The following LCLAT1 variants were observed in gnomAD, a reference collection of about 807,000 sequenced individuals.
LCLAT1 encodes lysocardiolipin acyltransferase 1.
LCLAT1 carries 11 observed loss-of-function variants against 30.7 expected under a neutral mutation model. The ratio of observed to expected loss-of-function variants is 0.36; its 90% CI spans 0.23 to 0.59. The LOEUF is 0.59. Among genes scored for constraint, LCLAT1 ranks in the 20% least tolerant of loss-of-function variants. The probability of loss-of-function intolerance (pLI) is 0.77; values close to 1 mark genes in which losing one functional copy is unlikely to be tolerated. For missense variants in LCLAT1, 402 were observed against 458.6 expected (o/e 0.88, Z 1.13); for synonymous variants, 155 against 151.3 (o/e 1.02, Z -0.18).
intron 5 of LCLAT1, among the ~76,000 whole-genome samples, chr2:30,598,186 C>T (rs563803476): frequency 1.1e-3 from 168 of 152,130 alleles, no homozygotes; most frequent in African/African-American, 3.8e-3. Flanking sequence ...CCCTCCTTTT[C>T]GTTTGTTTGG....
chr2:30,458,452 T>C (rs1380066190), intron 1 of LCLAT1, among the ~76,000 whole-genome samples: 1 of 152,078 alleles, frequency 6.6e-6, no homozygotes, highest in African/African-American at 2.4e-5. Flanking sequence ...CTGGGAAGGG[T>C]TGGATTTTGC....
chr2:30,476,079 A>C (rs573547279), intron 1 of LCLAT1, among the ~76,000 whole-genome samples: 8 of 152,220 alleles, frequency 5.3e-5, no homozygotes, highest in Non-Finnish European at 1.2e-4. Context: ...TGAAGGTTCC[A>C]AAGGTAGTAT....
intron 1 of LCLAT1, among the ~76,000 whole-genome samples, chr2:30,475,333 C>G (rs528787888): frequency 5.3e-5 from 8 of 152,250 alleles, no homozygotes; most frequent in African/African-American, 1.9e-4. Context: ...CTTTTTGGCA[C>G]TGGGTCTTTT....
At chr2:30,456,575 G>T (rs545985614) in intron 1 of LCLAT1, among the ~76,000 whole-genome samples, 1 of 152,202 alleles carries the variant, frequency 6.6e-6, no homozygotes, top group East Asian at 1.9e-4. Flanking sequence ...GTGGGCCACG[G>T]TTTTTTTCTG....
chr2:30,591,735 C>T lies in LCLAT1; in HGVS notation c.628+23559C>T, dbSNP rs546902610. On this transcript the variant is annotated intron_variant, in intron 5 of 5. Transcript: ENST00000379509. ...CCCACAGTCTATTAAGGGAGACAGACAGGTGAACAGTTAATAACACCCTGC... is the reference window on the plus strand; with the variant it reads ...CCCACAGTCTATTAAGGGAGACAGATAGGTGAACAGTTAATAACACCCTGC... Among the ~76,000 whole-genome samples the T allele has an allele frequency of 3.3e-5, 5 of 152,268 alleles. No homozygotes were observed. In the East Asian group the frequency reaches 7.7e-4, roughly 24 times the overall value.
chr2:30,627,160 C>T (rs755184772), intron 5 of LCLAT1, among the ~76,000 whole-genome samples: 47 of 152,124 alleles, frequency 3.1e-4, no homozygotes, highest in Non-Finnish European at 5.3e-4. Context: ...ATTTTAATAG[C>T]GATCTTGCAA....
chr2:30,462,195 A>C (rs925183379), intron 1 of LCLAT1, among the ~76,000 whole-genome samples: 2 of 152,226 alleles, frequency 1.3e-5, no homozygotes, highest in Non-Finnish European at 2.9e-5. Context: ...ATAGGCTCAA[A>C]TTAATGCTGT....
intron 1 of LCLAT1, among the ~76,000 whole-genome samples, chr2:30,519,338 G>C (rs1271801581): frequency 3.3e-5 from 5 of 152,158 alleles, no homozygotes; most frequent in Non-Finnish European, 4.4e-5. Context: ...CCCTGGACCG[G>C]CCTGCTAGCC....
At chr2:30,582,924 T>C (rs1305340433) in intron 5 of LCLAT1, among the ~76,000 whole-genome samples, 2 of 152,254 alleles carry the variant, frequency 1.3e-5, no homozygotes, top group African/African-American at 2.4e-5. Context: ...TTTACATAAA[T>C]TGAAGCAGAT....
intron 1 of LCLAT1, among the ~76,000 whole-genome samples, chr2:30,486,444 G>A (rs907658375): frequency 6.6e-6 from 1 of 152,140 alleles, no homozygotes; most frequent in Non-Finnish European, 1.5e-5. Context: ...GAGAACCACT[G>A]ACCTAACCAC....
At chr2:30,461,174 T>C (rs1272200937) in intron 1 of LCLAT1, among the ~76,000 whole-genome samples, 1 of 152,116 alleles carries the variant, frequency 6.6e-6, no homozygotes, top group Non-Finnish European at 1.5e-5. Flanking sequence ...GTGAGGGCAG[T>C]CTTGTTGGAA....
At chr2:30,606,244 A>G in intron 5 of LCLAT1, 1 of 319,926 alleles carries the variant, frequency 3.1e-6, no homozygotes, top group Non-Finnish European at 6.2e-6. Flanking sequence ...AACTCTTAAA[A>G]TTCATATGGA....
At chr2:30,599,133 C>G (rs4952158) in intron 5 of LCLAT1, among the ~76,000 whole-genome samples, 19,298 of 152,020 alleles carry the variant, frequency 0.13, 1,360 homozygotes, top group South Asian at 0.23. Context: ...AGACATGCAC[C>G]AGCATGCCAG....
At chr2:30,599,845 A>G (rs1236572713) in intron 5 of LCLAT1, among the ~76,000 whole-genome samples, 1 of 151,970 alleles carries the variant, frequency 6.6e-6, no homozygotes, top group Non-Finnish European at 1.5e-5. Context: ...ATGTCTTTGC[A>G]TGTGAGATGG....
At chr2:30,558,517 G>A (rs1665039027) in intron 3 of LCLAT1, among the ~76,000 whole-genome samples, 1 of 147,678 alleles carries the variant, frequency 6.8e-6, no homozygotes, top group African/African-American at 2.5e-5. Context: ...AGAATTGCTT[G>A]AACCCAGGAG....
At chr2:30,462,619 G>A (rs1295631764) in intron 1 of LCLAT1, among the ~76,000 whole-genome samples, 1 of 152,230 alleles carries the variant, frequency 6.6e-6, no homozygotes, top group Non-Finnish European at 1.5e-5. Context: ...CAAGTTGAAA[G>A]TTGCAGCATA....
At chr2:30,631,014 T>G (rs934163579) in intron 5 of LCLAT1, among the ~76,000 whole-genome samples, 6 of 152,226 alleles carry the variant, frequency 3.9e-5, no homozygotes, top group Non-Finnish European at 7.3e-5. Flanking sequence ...CACCAGTTGA[T>G]ACTGTATCAG....
At chr2:30,555,839 C>CT (rs67813132) in intron 3 of LCLAT1, among the ~76,000 whole-genome samples, 17,176 of 127,020 alleles carry the variant, frequency 0.14, 1,212 homozygotes, top group East Asian at 0.23. Flanking sequence ...TTTTCTTTTT[C>CT]TTTTTTTTTT....
chr2:30,479,226 T>A (rs936764229), intron 1 of LCLAT1, among the ~76,000 whole-genome samples: 3 of 152,058 alleles, frequency 2.0e-5, no homozygotes, highest in Non-Finnish European at 4.4e-5. Context: ...TTTTGTTTTT[T>A]ATTTTCTTTG....
Sources: allele counts gnomAD v4.1 joint callset (sites outside exome capture counted in the v4.1 genomes callset), GRCh38; gene constraint gnomAD v4.1.1; transcripts MANE v1.5; gene names NCBI Gene and HGNC (gene_info 2026-07-23, HGNC 2026-07-21).